Variants in KTN1 observed in about 807,000 individuals in gnomAD.
KTN1 encodes kinectin 1, also known as kinectin.
KTN1 carries 130 observed loss-of-function variants against 222.5 expected under a neutral mutation model. The ratio of observed to expected loss-of-function variants is 0.58; its 90% CI spans 0.51 to 0.68. The LOEUF is 0.68. Among genes scored for constraint, KTN1 ranks in the 30% least tolerant of loss-of-function variants. The pLI is 0.00. For synonymous variants in KTN1, 512 were observed against 496.3 expected (o/e 1.03, Z -0.42); for missense variants, 1,508 against 1,500.4 (o/e 1.01, Z -0.08).
At chr14:55,637,475 T>A in intron 11 of KTN1, 111 bp downstream of exon 11, 1 of 803,800 alleles carries the variant, frequency 1.2e-6, no homozygotes, top group Admixed American at 3.1e-5. Context: ...GAAATGATGA[T>A]GAATAATTAT....
At chr14:55,584,427 T>C (rs1283803875) in intron 1 of KTN1, among the ~76,000 whole-genome samples, 1 of 152,170 alleles carries the variant, frequency 6.6e-6, no homozygotes, top group African/African-American at 2.4e-5. Context: ...ATGAGGAAAT[T>C]ATATACTGTT....
chr14:55,586,288 G>A (rs1278742266), intron 1 of KTN1, among the ~76,000 whole-genome samples: 1 of 152,200 alleles, frequency 6.6e-6, no homozygotes, highest in Non-Finnish European at 1.5e-5. Context: ...CTTACTGCAT[G>A]TGTGATCTTA....
intron 20 of KTN1, 76 bp from the exon 21 acceptor site, chr14:55,648,726 G>A: frequency 2.1e-6 from 2 of 952,002 alleles, no homozygotes; most frequent in Admixed American, 2.0e-5. Flanking sequence ...AAAGAAATGA[G>A]AAACTAATGT....
intron 1 of KTN1, among the ~76,000 whole-genome samples, chr14:55,581,167 C>T (rs1449004511): frequency 6.6e-6 from 1 of 152,224 alleles, no homozygotes; most frequent in African/African-American, 2.4e-5. Context: ...GGCTCTCAGC[C>T]ATACGTCTGG....
intron 3 of KTN1, 39 bp from the exon 4 acceptor site, chr14:55,617,925 A>C: frequency 6.9e-7 from 1 of 1,446,182 alleles, no homozygotes; most frequent in Non-Finnish European, 9.4e-7. Flanking sequence ...TCTGTTTTGT[A>C]AAAATTCTAA....
intron 14 of KTN1, 46 bp downstream of exon 14, chr14:55,640,049 A>G: frequency 8.9e-7 from 1 of 1,127,102 alleles, no homozygotes; most frequent in South Asian, 1.3e-5. Context: ...CAGAACTGAA[A>G]TTTAAATTAC....
rs565740217 is a variant in KTN1 at position 55,616,597 on chromosome 14, C to G, written c.604C>G (p.Gln202Glu). ...EALPLHQETK[Q>E]ESGSGKKKAS... is the part of the protein sequence containing the mutation. ...ATTGCCCCTCCACCAAGAGACTAAA[C>G]AAGAAAGTGGATCAGGGAAGAAGAA... The change falls in exon 3 of 44, where the codon CAA becomes GAA. Residue 202 changes from glutamine (Q) to glutamate (E), a missense_variant. Coordinates refer to ENST00000395314, the MANE Select transcript of KTN1 (RefSeq NM_001079521.2). 8.1e-6 allele frequency: 13 copies of G among 1,607,386 alleles called. No individual in the cohort carries two copies. The highest frequency in any genetic ancestry group is 1.7e-4 in the Middle Eastern group (1 of 5,984).
intron 37 of KTN1, 89 bp from the exon 38 acceptor site, chr14:55,672,541 G>A (rs768314343): frequency 2.7e-6 from 2 of 748,034 alleles, no homozygotes; most frequent in East Asian, 5.1e-5. Flanking sequence ...AACCTTGGAA[G>A]TGTCTTTTAA....
At chr14:55,670,096 G>A (rs1384252802) in intron 34 of KTN1, among the ~76,000 whole-genome samples, 1 of 151,906 alleles carries the variant, frequency 6.6e-6, no homozygotes, top group Non-Finnish European at 1.5e-5. Flanking sequence ...ATTTACATCA[G>A]CTAACCTGTC....
In KTN1 at chr14:55,617,987, C is replaced by G. The variant is rs779352256; in HGVS notation, c.685C>G (p.His229Asp). Reference protein sequence around the residue: ...ENVFVDEPLIHATTYIPLMDN... With the variant: ...ENVFVDEPLIDATTYIPLMDN... The stretch of plus-strand genomic sequence containing the variant: ...AGTCTTCGTAGATGAACCCCTTATT[C>G]ATGCAACTACTTATATTCCTTTGAT... The change falls in exon 4 of 44, where the codon CAT becomes GAT. Residue 229 changes from histidine to aspartate, a missense_variant. By Grantham distance (81) the His-to-Asp change is moderately conservative. Coordinates refer to ENST00000395314, the MANE Select transcript of KTN1 (RefSeq NM_001079521.2). The G allele has an allele frequency of 8.8e-6, 14 of 1,595,062 alleles. No homozygotes were observed. Among genetic ancestry groups the G allele is most frequent in the Non-Finnish European group, 8.5e-7 (1 of 1,172,848 alleles).
chr14:55,657,791 G>T (rs1267510583), intron 29 of KTN1, among the ~76,000 whole-genome samples: 4 of 152,064 alleles, frequency 2.6e-5, no homozygotes, highest in Non-Finnish European at 5.9e-5. Flanking sequence ...GCAGGTGCCT[G>T]TAGTCCCAGA....
At chr14:55,602,306 T>C (rs2036088708) in intron 1 of KTN1, among the ~76,000 whole-genome samples, 1 of 152,196 alleles carries the variant, frequency 6.6e-6, no homozygotes, top group South Asian at 2.1e-4. Flanking sequence ...TCTGGAACTT[T>C]AGGAGGAGAA....
At chr14:55,653,512 A>G in intron 27 of KTN1, 47 bp from the exon 28 acceptor site, 1 of 1,493,478 alleles carries the variant, frequency 6.7e-7, no homozygotes, top group Non-Finnish European at 9.3e-7. Flanking sequence ...CACCTACAAC[A>G]TAACATTTAA....
At chr14:55,645,478 A>T (rs1338038313) in intron 18 of KTN1, among the ~76,000 whole-genome samples, 2 of 152,212 alleles carry the variant, frequency 1.3e-5, no homozygotes, top group Non-Finnish European at 2.9e-5. Context: ...AGGAGTAACT[A>T]AAGGTACAAT....
chr14:55,637,053 T>TA, intron 10 of KTN1, 145 bp from the exon 11 acceptor site: 1 of 548,560 alleles, frequency 1.8e-6, no homozygotes, highest in Middle Eastern at 5.1e-4. Context: ...GAAACGCAAG[T>TA]ATAGCCTGCT....
At position 55,684,378 on chromosome 14, in the gene KTN1, T is replaced by TC; in HGVS notation, c.*275_*276insC. On this transcript the variant is annotated 3_prime_UTR_variant, in exon 44 of 44. Coordinates refer to ENST00000395314, the MANE Select transcript of KTN1 (RefSeq NM_001079521.2). ...AAACATGTAATCTTTTATCTTATTTTGCTCAATAAAATTGTTCAGAAGATC... is the reference window on the plus strand; with the variant it reads ...AAACATGTAATCTTTTATCTTATTTTCGCTCAATAAAATTGTTCAGAAGATC... 3.1e-6 allele frequency: 1 copy of TC among 322,888 alleles called. No homozygotes were observed. Among genetic ancestry groups the TC allele is most frequent in the Non-Finnish European group, 5.6e-6 (1 of 177,660 alleles). 20.0% of individuals were successfully genotyped at this position (322,888 alleles called of 1,614,324 possible).
intron 9 of KTN1, among the ~76,000 whole-genome samples, chr14:55,636,176 T>C (rs547031769): frequency 1.3e-5 from 2 of 152,344 alleles, no homozygotes; most frequent in African/African-American, 4.8e-5. Context: ...TAGTAGTAGC[T>C]ATCTTGATAG....
At chr14:55,592,886 A>C (rs962898245) in intron 1 of KTN1, among the ~76,000 whole-genome samples, 4 of 151,908 alleles carry the variant, frequency 2.6e-5, no homozygotes, top group African/African-American at 4.8e-5. Context: ...AAAAATTCTC[A>C]CCTCTTTAAA....
intron 7 of KTN1, among the ~76,000 whole-genome samples, chr14:55,631,981 A>G (rs2040588677): frequency 6.6e-6 from 1 of 152,110 alleles, no homozygotes; most frequent in Admixed American, 6.5e-5. Context: ...TAAAAATTTT[A>G]AAATATTCTT....
Sources: allele counts gnomAD v4.1 joint callset (sites outside exome capture counted in the v4.1 genomes callset), GRCh38; gene constraint gnomAD v4.1.1; transcripts MANE v1.5; gene names NCBI Gene and HGNC (gene_info 2026-07-23, HGNC 2026-07-21).